The following HMGXB4 variants were observed in gnomAD, a reference collection of about 807,000 sequenced individuals.
HMGXB4 encodes the protein HMG-box containing 4.
A neutral mutation model predicts 63.9 loss-of-function variants in HMGXB4; 27 were observed. That is an observed-to-expected ratio of 0.42 (90% CI 0.31 to 0.58). The LOEUF is 0.58. Among genes scored for constraint, HMGXB4 ranks in the 20% least tolerant of loss-of-function variants. The pLI is 0.13. For synonymous variants in HMGXB4, 264 were observed against 265.3 expected (o/e 0.99, Z 0.05); for missense variants, 624 against 700.7 (o/e 0.89, Z 1.24).
At chr22:35,242,876 C>CA in the HMGXB4 span, among the ~76,000 whole-genome samples, 11 of 152,156 alleles carry the variant, frequency 7.2e-5, no homozygotes, top group African/African-American at 2.7e-4. Context: ...CTCTTTGACT[C>CA]AAAGACTCTA....
At chr22:35,269,500 A>G (rs535902011) in intron 5 of HMGXB4, among the ~76,000 whole-genome samples, 28 of 152,208 alleles carry the variant, frequency 1.8e-4, no homozygotes, top group Non-Finnish European at 5.9e-5. Flanking sequence ...CAACTCTTCA[A>G]TGTCCTTAAT....
upstream of HMGXB4, among the ~76,000 whole-genome samples, chr22:35,253,847 T>C (rs1922289813): frequency 6.6e-6 from 1 of 152,198 alleles, no homozygotes; most frequent in Non-Finnish European, 1.5e-5. Context: ...TTTTGTTTTT[T>C]ACATGAGTTA....
intron 5 of HMGXB4, among the ~76,000 whole-genome samples, chr22:35,280,574 G>A (rs1461700560): frequency 6.6e-6 from 1 of 152,068 alleles, no homozygotes; most frequent in Non-Finnish European, 1.5e-5. Flanking sequence ...TGGTCTTCCT[G>A]CCTTTGCTCT....
At chr22:35,270,850 A>G (rs753818823) in intron 5 of HMGXB4, among the ~76,000 whole-genome samples, 7 of 152,226 alleles carry the variant, frequency 4.6e-5, no homozygotes, top group Non-Finnish European at 8.8e-5. Flanking sequence ...TTCTCCAACA[A>G]ATATTTATAG....
At chr22:35,256,848 T>C (rs926436654), upstream of HMGXB4, among the ~76,000 whole-genome samples, 1 of 152,210 alleles carries the variant, frequency 6.6e-6, no homozygotes, top group South Asian at 2.1e-4. Flanking sequence ...TTTCTACTCA[T>C]TGGTCGAAGT....
chr22:35,258,198 G>T (rs929515788), intron 1 of HMGXB4: 4 of 152,196 alleles, frequency 2.6e-5, no homozygotes, highest in Non-Finnish European at 5.9e-5. Flanking sequence ...CTGGTATTTT[G>T]TGTGTTTCTT....
intron 9 of HMGXB4, among the ~76,000 whole-genome samples, chr22:35,290,712 G>A (rs1172774935): frequency 6.7e-6 from 1 of 150,020 alleles, no homozygotes; most frequent in Non-Finnish European, 1.5e-5. Flanking sequence ...CTTTTGGCCC[G>A]AATTTAATCA....
intron 3 of HMGXB4, 133 bp downstream of exon 3, chr22:35,263,359 C>G: frequency 1.4e-6 from 1 of 702,134 alleles, no homozygotes; most frequent in South Asian, 2.0e-5. Context: ...TCTCTGCTCA[C>G]TGCAACCTTC....
At chr22:35,271,387 G>T (rs904298089) in intron 5 of HMGXB4, among the ~76,000 whole-genome samples, 1 of 152,146 alleles carries the variant, frequency 6.6e-6, no homozygotes, top group African/African-American at 2.4e-5. Context: ...TAGATTCTAG[G>T]ACCAGGACTC....
At chr22:35,270,919 T>A (rs576680918) in intron 5 of HMGXB4, among the ~76,000 whole-genome samples, 1 of 152,298 alleles carries the variant, frequency 6.6e-6, no homozygotes, top group South Asian at 2.1e-4. Flanking sequence ...TAAAGCTTTT[T>A]AAAAATATAT....
At chr22:35,261,389 T>TCGTG (rs1922846875) in intron 1 of HMGXB4, among the ~76,000 whole-genome samples, 1 of 147,974 alleles carries the variant, frequency 6.8e-6, no homozygotes, top group Non-Finnish European at 1.5e-5. Context: ...TGAACCAATA[T>TCGTG]CGTGCCACTG....
rs73883585 is a variant in HMGXB4 at position 35,273,848 on chromosome 22, C to T, written c.1215+8245C>T. Among the ~76,000 whole-genome samples the T allele has an allele frequency of 3.5e-3, 532 of 152,320 alleles. 5 individuals are homozygous for T. Among genetic ancestry groups the T allele is most frequent in the African/African-American group, 0.012 (490 of 41,574 alleles). On this transcript the variant is annotated intron_variant, in intron 5 of 10. Coordinates refer to ENST00000216106, the MANE Select transcript of HMGXB4 (RefSeq NM_001003681.3). ...AAAAGAAGGACCAGTGAGATGAGTC[C>T]TGTGACCTCTCTGCCTCTGTTCCTT...
At chr22:35,273,416 G>C (rs1204965680) in intron 5 of HMGXB4, among the ~76,000 whole-genome samples, 1 of 152,158 alleles carries the variant, frequency 6.6e-6, no homozygotes, top group African/African-American at 2.4e-5. Context: ...TACTAGGTCT[G>C]TTCTCCTGAG....
intron 5 of HMGXB4, among the ~76,000 whole-genome samples, chr22:35,271,547 C>A (rs1337531046): frequency 6.6e-6 from 1 of 152,154 alleles, no homozygotes; most frequent in African/African-American, 2.4e-5. Context: ...CACCCACTTA[C>A]AAACAATGTG....
chr22:35,243,297 G>A, the HMGXB4 span, among the ~76,000 whole-genome samples: 1 of 152,044 alleles, frequency 6.6e-6, no homozygotes. Flanking sequence ...TTGAACCTAG[G>A]AGGTGGAGGT....
chr22:35,260,193 T>G lies in HMGXB4; in HGVS notation c.-68-2130T>G, dbSNP rs566469521. 8.5e-5 allele frequency among the ~76,000 whole-genome samples: 13 copies of G among 152,382 alleles called. No homozygotes were observed. The South Asian group carries it at 2.7e-3, about 32-fold the overall frequency. On this transcript the variant is annotated intron_variant, in intron 1 of 10. Coordinates refer to ENST00000216106, the MANE Select transcript of HMGXB4 (RefSeq NM_001003681.3). Reference sequence around the variant, plus strand: ...TTGACAAAACACTGATGACTGTATTTATGACATTGAATATTTAAGTTTTTT... The same window carrying G: ...TTGACAAAACACTGATGACTGTATTGATGACATTGAATATTTAAGTTTTTT...
At chr22:35,292,855 G>C in intron 9 of HMGXB4, 137 bp from the exon 10 acceptor site, 1 of 1,000,804 alleles carries the variant, frequency 1.0e-6, no homozygotes, top group Non-Finnish European at 1.5e-6. Context: ...AGTTATCAAA[G>C]TAAACTTTCC....
At position 35,265,134 on chromosome 22, in the gene HMGXB4, G is replaced by A. The variant is rs199921358; in HGVS notation, c.746G>A (p.Arg249Gln). Residue 249 changes from arginine to glutamine, a missense_variant, in exon 5 of 11, where the codon CGG becomes CAG. Around this residue, in one of 2 missense-constraint regions of HMGXB4, gnomAD observed 472 missense variants for 470.6 expected, o/e 1.00. Transcript: ENST00000216106. ...TTACAGAGCTTTCTGAAAACAGCCC[G>A]GAAAAAGCACAAGTCATCCTCAGAC... ...HELQSFLKTA[R>Q]KKHKSSSDAH... is the part of the protein sequence containing the mutation. 6.2e-6 allele frequency: 10 copies of A among 1,614,088 alleles called. No homozygotes were observed. Among genetic ancestry groups the A allele is most frequent in the African/African-American group, 1.3e-5 (1 of 75,016 alleles).
At chr22:35,271,096 A>G (rs1243229203) in intron 5 of HMGXB4, among the ~76,000 whole-genome samples, 1 of 151,786 alleles carries the variant, frequency 6.6e-6, no homozygotes, top group African/African-American at 2.4e-5. Context: ...TCTACCTCTT[A>G]ATTTTTTTTT....
Sources: allele counts gnomAD v4.1 joint callset (sites outside exome capture counted in the v4.1 genomes callset), GRCh38; gene constraint gnomAD v4.1.1; regional missense constraint gnomAD v4.1.1; transcripts MANE v1.5; gene names NCBI Gene and HGNC (gene_info 2026-07-23, HGNC 2026-07-21).